Variants in AMD1 observed in about 807,000 individuals in gnomAD.
AMD1 encodes the protein adenosylmethionine decarboxylase 1.
Under a neutral mutation model 40.2 loss-of-function variants are expected in AMD1, and 11 were observed. The ratio of observed to expected loss-of-function variants is 0.27; its 90% CI spans 0.17 to 0.45. The LOEUF (loss-of-function observed/expected upper bound fraction) is 0.45, where lower values mean the gene tolerates loss of function less well. Ranked by LOEUF, AMD1 falls within the 20% of genes least tolerant of loss-of-function variation. The pLI is 1.00. For missense variants in AMD1, 257 were observed against 410.2 expected, an observed-to-expected ratio of 0.63 and a Z score of 3.23; for synonymous variants, 121 against 130.8, an observed-to-expected ratio of 0.93 and a Z score of 0.51.
At chr6:110,833,407 G>A in the AMD1 span, among the ~76,000 whole-genome samples, 1 of 151,958 alleles carries the variant, frequency 6.6e-6, no homozygotes, top group African/African-American at 2.4e-5. Context: ...GTACCAGGGG[G>A]AAAAAAAGAA....
At chr6:110,876,695 C>T (rs1457730243) in intron 1 of AMD1, among the ~76,000 whole-genome samples, 4 of 152,020 alleles carry the variant, frequency 2.6e-5, no homozygotes, top group African/African-American at 4.8e-5. Flanking sequence ...TTATAGGAAG[C>T]GGACTTTGGT....
chr6:110,837,486 G>GGGTA, the AMD1 span, among the ~76,000 whole-genome samples: 1 of 150,624 alleles, frequency 6.6e-6, no homozygotes, highest in Admixed American at 6.7e-5. Context: ...CGAGGCAGAT[G>GGGTA]GATCACCTGA....
At chr6:110,891,020 C>A (rs542267479) in intron 4 of AMD1, 1 of 152,262 alleles carries the variant, frequency 6.6e-6, no homozygotes, top group Admixed American at 6.5e-5. Flanking sequence ...CACCTGCCAC[C>A]TCTGATTTTT....
At position 110,894,747 on chromosome 6, in the gene AMD1, A is replaced by G. The variant is rs369941943; in HGVS notation, c.*1131A>G. The G allele has an allele frequency of 1.4e-4, 22 of 152,304 alleles. No homozygotes were observed. The highest frequency in any genetic ancestry group is 4.6e-4 in the African/African-American group (19 of 41,580). The allele number at this position is 152,304 out of a possible 1,614,324, so 9.4% of individuals were successfully genotyped here. ...TAGTGTTCTATAAACTTTGATCCAAAGCAGAATCAATGTCTTTTCCATCTC... is the reference window on the plus strand; with the variant it reads ...TAGTGTTCTATAAACTTTGATCCAAGGCAGAATCAATGTCTTTTCCATCTC... On this transcript the variant is annotated 3_prime_UTR_variant, in exon 9 of 9. Coordinates refer to ENST00000368885, the MANE Select transcript of AMD1 (RefSeq NM_001634.6).
intron 8 of AMD1, 90 bp from the exon 9 acceptor site, chr6:110,893,386 A>G: frequency 2.0e-6 from 3 of 1,524,062 alleles, no homozygotes; most frequent in Middle Eastern, 1.8e-4. Flanking sequence ...TCTTAGTTTC[A>G]TTAAGATAAA....
chr6:110,866,663 T>A, the AMD1 span, among the ~76,000 whole-genome samples: 1 of 152,030 alleles, frequency 6.6e-6, no homozygotes. Flanking sequence ...AAAAATTAAT[T>A]TTTTTTGATG....
the AMD1 span, among the ~76,000 whole-genome samples, chr6:110,838,944 T>C: frequency 6.6e-6 from 1 of 151,966 alleles, no homozygotes; most frequent in Non-Finnish European, 1.5e-5. Flanking sequence ...AATTTTGTAT[T>C]TTAGTAGAGA....
Position 110,893,922 on chromosome 6 carries a change from A to T in AMD1, c.*306A>T, listed in dbSNP as rs1246141040. On this transcript the variant is annotated 3_prime_UTR_variant, in exon 9 of 9. Coordinates refer to ENST00000368885, the MANE Select transcript of AMD1 (RefSeq NM_001634.6). ...TTTACAACACTTGTGAAAGCAACTC[A>T]ATTTGGTTTATGCACAGTGTAATAT... 1.3e-5 allele frequency: 4 copies of T among 304,902 alleles called. No homozygotes were observed. The highest frequency in any genetic ancestry group is 4.4e-5 in the Admixed American group (1 of 22,538). 18.9% of individuals were successfully genotyped at this position (304,902 alleles called of 1,614,324 possible).
rs1785306490 is a variant in AMD1 at position 110,879,789 on chromosome 6, A to G, written c.110+4574A>G. 3.3e-5 allele frequency among the ~76,000 whole-genome samples: 5 copies of G among 152,220 alleles called. No homozygotes were observed. The South Asian group carries it at 1.0e-3, about 31-fold the overall frequency. On this transcript the variant is annotated intron_variant, in intron 1 of 8. Coordinates refer to ENST00000368885, the MANE Select transcript of AMD1 (RefSeq NM_001634.6). ...GAACTCTGAAACCAGCTGGTTTTACATTAGGAAGTAATGAGTAATCTAATG... is the reference window on the plus strand; with the variant it reads ...GAACTCTGAAACCAGCTGGTTTTACGTTAGGAAGTAATGAGTAATCTAATG...
chr6:110,839,347 A>T, the AMD1 span, among the ~76,000 whole-genome samples: 1 of 152,070 alleles, frequency 6.6e-6, no homozygotes, highest in Non-Finnish European at 1.5e-5. Context: ...CTTAAGAAAA[A>T]CCTTCAATCC....
rs1424157986 is a variant in AMD1, at chr6:110,893,680, G to A, written c.*64G>A. 2 of 1,564,458 alleles carry A rather than the reference G, an allele frequency of 1.3e-6. No individual in the cohort carries two copies. Among genetic ancestry groups the A allele is most frequent in the African/African-American group, 1.4e-5 (1 of 73,788 alleles). On this transcript the variant is annotated 3_prime_UTR_variant, in exon 9 of 9. Coordinates refer to ENST00000368885, the MANE Select transcript of AMD1 (RefSeq NM_001634.6). ...TGTAGAAGGTGGTGGATGCTTTCTA[G>A]ATGTCGATGCTGGGGGCAGTGCTTT...
chr6:110,874,523 C>G (rs370242034), upstream of AMD1, among the ~76,000 whole-genome samples: 5 of 152,334 alleles, frequency 3.3e-5, no homozygotes, highest in East Asian at 5.8e-4. Context: ...CCCACCCACT[C>G]TGCGTTCGAT....
chr6:110,847,309 A>G, the AMD1 span, among the ~76,000 whole-genome samples: 1 of 152,162 alleles, frequency 6.6e-6, no homozygotes, highest in African/African-American at 2.4e-5. Context: ...GCGGATCACA[A>G]GGTCAGGAGA....
At chr6:110,851,921 A>G in the AMD1 span, among the ~76,000 whole-genome samples, 2 of 152,248 alleles carry the variant, frequency 1.3e-5, no homozygotes, top group Non-Finnish European at 2.9e-5. Context: ...TATGCAAAAA[A>G]TAAGTAACAA....
chr6:110,816,981 C>T, the AMD1 span, among the ~76,000 whole-genome samples: 111 of 152,292 alleles, frequency 7.3e-4, no homozygotes, highest in African/African-American at 2.4e-3. Flanking sequence ...TGCATACATA[C>T]GTAATTAAAA....
the AMD1 span, among the ~76,000 whole-genome samples, chr6:110,819,901 T>TTA: frequency 6.6e-6 from 1 of 152,134 alleles, no homozygotes; most frequent in East Asian, 1.9e-4. Flanking sequence ...TTGTTGCCCA[T>TTA]TATATGTTAG....
chr6:110,867,733 A>G, the AMD1 span, among the ~76,000 whole-genome samples: 2 of 152,226 alleles, frequency 1.3e-5, no homozygotes, highest in African/African-American at 4.8e-5. Flanking sequence ...TTTCAAAAGA[A>G]AAAATAAATT....
chr6:110,849,781 AG>A, the AMD1 span, among the ~76,000 whole-genome samples: 1 of 152,278 alleles, frequency 6.6e-6, no homozygotes, highest in African/African-American at 2.4e-5. Context: ...GCACTTTGGG[AG>A]GCCAAGGCAA....
the AMD1 span, chr6:110,814,843 C>A: frequency 1.2e-6 from 1 of 867,430 alleles, no homozygotes. Flanking sequence ...GCGGGGGAGG[C>A]GGGCGGAACG....
Sources: allele counts gnomAD v4.1 joint callset (sites outside exome capture counted in the v4.1 genomes callset), GRCh38; gene constraint gnomAD v4.1.1; transcripts MANE v1.5; gene names NCBI Gene and HGNC (gene_info 2026-07-23, HGNC 2026-07-21).